The following NTRK2 variants were observed in gnomAD, a reference collection of about 807,000 sequenced individuals.
NTRK2 encodes neurotrophic receptor tyrosine kinase 2, also known as BDNF/NT-3 growth factors receptor.
Under a neutral mutation model 94.5 loss-of-function variants are expected in NTRK2, and 13 were observed. The observed-to-expected ratio is 0.14, with a 90% CI of 0.09 to 0.22. NTRK2 has a LOEUF of 0.22. Ranked by LOEUF, NTRK2 falls within the 10% of genes least tolerant of loss-of-function variation. The pLI is 1.00. For missense variants in NTRK2, 639 were observed against 1,071.2 expected (o/e 0.60, Z 5.63); for synonymous variants, 372 against 407.4 (o/e 0.91, Z 1.05).
At chr9:84,847,578 G>A (rs2074532468) in intron 12 of NTRK2, among the ~76,000 whole-genome samples, 1 of 152,134 alleles carries the variant, frequency 6.6e-6, no homozygotes, top group African/African-American at 2.4e-5. Context: ...TCCTCCAGAT[G>A]CCCATCCAGC....
chr9:84,958,098 A>G (rs1484846645), intron 17 of NTRK2, among the ~76,000 whole-genome samples: 3 of 152,164 alleles, frequency 2.0e-5, no homozygotes, highest in South Asian at 2.1e-4. Context: ...GGCAGGGAAG[A>G]ATGGGAATTG....
intron 2 of NTRK2, 81 bp from the exon 3 acceptor site, chr9:84,702,078 T>G (rs2060765106): frequency 7.7e-7 from 1 of 1,302,250 alleles, no homozygotes; most frequent in African/African-American, 1.5e-5. Context: ...CTTGGACACC[T>G]GGGTGAGGTG....
chr9:84,837,228 G>A (rs2073930239), intron 12 of NTRK2, among the ~76,000 whole-genome samples: 1 of 151,950 alleles, frequency 6.6e-6, no homozygotes, highest in Non-Finnish European at 1.5e-5. Flanking sequence ...TTAGAGATGA[G>A]GAAACTGTTT....
At chr9:84,718,018 TCTTCCTCTTCCC>T (rs1473803677) in intron 6 of NTRK2, among the ~76,000 whole-genome samples, 1 of 150,654 alleles carries the variant, frequency 6.6e-6, no homozygotes, top group African/African-American at 2.4e-5. Context: ...TCCTTCTTCT[TCTTCCTCTTCCC>T]CTTCCTCTTC....
intron 1 of NTRK2, 77 bp from the exon 2 acceptor site, chr9:84,670,300 A>G: frequency 3.7e-6 from 1 of 272,500 alleles, no homozygotes. Context: ...GGATGACGCG[A>G]GCAGAGAGGG....
At chr9:84,886,834 ACAGAGCAAGC>A (rs1286712463) in intron 14 of NTRK2, among the ~76,000 whole-genome samples, 1 of 152,186 alleles carries the variant, frequency 6.6e-6, no homozygotes, top group East Asian at 1.9e-4. Context: ...GTAAAAGGAG[ACAGAGCAAGC>A]CAGGAAGCAG....
chr9:84,689,822 C>T (rs1296293804), intron 2 of NTRK2, among the ~76,000 whole-genome samples: 3 of 152,162 alleles, frequency 2.0e-5, no homozygotes, highest in Admixed American at 2.0e-4. Flanking sequence ...AACCACCATT[C>T]TACTTTCTGT....
At chr9:84,875,344 A>G in intron 14 of NTRK2, 1 of 1,060,534 alleles carries the variant, frequency 9.4e-7, no homozygotes, top group Non-Finnish European at 1.1e-6. Flanking sequence ...TGGCCACGTC[A>G]GACTCTCATA....
chr9:84,815,453 C>G, intron 12 of NTRK2: 1 of 1,042,320 alleles, frequency 9.6e-7, no homozygotes, highest in Non-Finnish European at 1.2e-6. Flanking sequence ...CCTTGAGTTT[C>G]ACGCACTTCA....
chr9:84,948,100 A>T (rs1427501444), intron 15 of NTRK2, among the ~76,000 whole-genome samples: 4 of 152,222 alleles, frequency 2.6e-5, no homozygotes, highest in Non-Finnish European at 5.9e-5. Flanking sequence ...TAAAGTTTTT[A>T]AATCTTATCT....
intron 12 of NTRK2, among the ~76,000 whole-genome samples, chr9:84,839,088 G>A (rs144112593): frequency 1.4e-4 from 22 of 152,264 alleles, no homozygotes; most frequent in African/African-American, 3.9e-4. Context: ...GATTCAGAAC[G>A]ATGCTTTGTA....
chr9:84,908,911 A>G (rs2077155674), intron 14 of NTRK2, among the ~76,000 whole-genome samples: 1 of 152,172 alleles, frequency 6.6e-6, no homozygotes, highest in African/African-American at 2.4e-5. Flanking sequence ...GTAAGAAATA[A>G]CACAAACAGA....
chr9:84,801,568 A>G (rs2070457345), intron 12 of NTRK2, among the ~76,000 whole-genome samples: 1 of 152,178 alleles, frequency 6.6e-6, no homozygotes. Flanking sequence ...CAGAGGGTAA[A>G]CAACTGAGAC....
At chr9:84,967,453 G>C (rs1238482011) in intron 17 of NTRK2, among the ~76,000 whole-genome samples, 1 of 152,234 alleles carries the variant, frequency 6.6e-6, no homozygotes, top group Non-Finnish European at 1.5e-5. Flanking sequence ...ATCCTTGTGG[G>C]TGTCTGTATT....
At chr9:84,698,432 T>C (rs2060523611) in intron 2 of NTRK2, among the ~76,000 whole-genome samples, 2 of 152,158 alleles carry the variant, frequency 1.3e-5, no homozygotes, top group African/African-American at 4.8e-5. Context: ...TCTATTTCTT[T>C]ATGGATGGAC....
At chr9:84,952,014 C>T (rs918501951) in intron 16 of NTRK2, among the ~76,000 whole-genome samples, 2 of 152,138 alleles carry the variant, frequency 1.3e-5, no homozygotes, top group Non-Finnish European at 2.9e-5. Context: ...CATGATTTTT[C>T]CTCTTAGAAT....
intron 12 of NTRK2, among the ~76,000 whole-genome samples, chr9:84,851,802 A>G (rs1264825757): frequency 6.6e-6 from 1 of 152,252 alleles, no homozygotes; most frequent in Non-Finnish European, 1.5e-5. Flanking sequence ...ATTCCATAAT[A>G]CAATGGCAAA....
At chr9:84,700,998 G>A (rs1026573212) in intron 2 of NTRK2, among the ~76,000 whole-genome samples, 5 of 152,078 alleles carry the variant, frequency 3.3e-5, no homozygotes, top group Admixed American at 2.0e-4. Context: ...TGCATATTAA[G>A]AATTATAAAA....
chr9:84,687,002 A>G (rs2059759728), intron 2 of NTRK2, among the ~76,000 whole-genome samples: 1 of 152,216 alleles, frequency 6.6e-6, no homozygotes, highest in Admixed American at 6.5e-5. Flanking sequence ...TACGTATACA[A>G]ATGAAAGTGG....
Sources: allele counts gnomAD v4.1 joint callset (sites outside exome capture counted in the v4.1 genomes callset), GRCh38; gene constraint gnomAD v4.1.1; transcripts MANE v1.5; gene names NCBI Gene and HGNC (gene_info 2026-07-23, HGNC 2026-07-21).